Variants in SLC22A15 observed in about 807,000 individuals in gnomAD.
SLC22A15 encodes flipt 1.
A neutral mutation model predicts 62.7 loss-of-function variants in SLC22A15; 45 were observed. The observed-to-expected ratio is 0.72, with a 90% CI of 0.56 to 0.92. The LOEUF (loss-of-function observed/expected upper bound fraction) is 0.92, where lower values mean the gene tolerates loss of function less well. Among genes scored for constraint, SLC22A15 ranks in the 40% least tolerant of loss-of-function variants. The probability of loss-of-function intolerance (pLI) is 0.00; values close to 1 mark genes in which losing one functional copy is unlikely to be tolerated. For missense variants in SLC22A15, 622 were observed against 665.6 expected (o/e 0.93, Z 0.72); for synonymous variants, 264 against 267.0 (o/e 0.99, Z 0.11).
Position 116,066,720 on chromosome 1 carries a change from T to G in SLC22A15, c.1554+12T>G. 6.2e-7 allele frequency: 1 copy of G among 1,603,766 alleles called. No individual in the cohort carries two copies. The highest frequency in any genetic ancestry group is 8.5e-7 in the Non-Finnish European group (1 of 1,175,272). On this transcript the variant is annotated intron_variant, in intron 11 of 11. Transcript: ENST00000369503. ...TGGACCCCCAACAGGTGTGATATTT[T>G]TCTTAATTATTATACCGCTTGGATA...
chr1:116,031,622 G>A (rs1237323498), intron 6 of SLC22A15, 41 bp downstream of exon 6: 2 of 1,606,042 alleles, frequency 1.2e-6, no homozygotes, highest in Admixed American at 3.3e-5. Context: ...TTTAACTAAG[G>A]TTGCTCGAGC....
chr1:115,999,729 CTT>C (rs1655625462), intron 2 of SLC22A15, among the ~76,000 whole-genome samples: 1 of 152,080 alleles, frequency 6.6e-6, no homozygotes, highest in South Asian at 2.1e-4. Flanking sequence ...GTCTTGAACT[CTT>C]GAGCTCAGGC....
chr1:115,992,284 T>G, intron 2 of SLC22A15, 41 bp downstream of exon 2: 2 of 1,461,948 alleles, frequency 1.4e-6, no homozygotes, highest in Non-Finnish European at 1.9e-6. Context: ...AATGTCTCTC[T>G]TTGTCCACAT....
chr1:116,062,669 A>G (rs577496297), intron 8 of SLC22A15, 93 bp from the exon 9 acceptor site: 1 of 1,475,994 alleles, frequency 6.8e-7, no homozygotes, highest in Non-Finnish European at 9.4e-7. Flanking sequence ...TGAGATCAAC[A>G]TGAATGCCAC....
chr1:115,976,705 G>T lies in SLC22A15; in HGVS notation c.78G>T (p.Val26=). The T allele has an allele frequency of 1.3e-6, 2 of 1,582,928 alleles. No homozygotes were observed. Reference sequence around the variant, plus strand: ...TGTACTTGTGCTTCCTGCTGGCCGTGCTGCTGCAGGTAAGTCCCCGCGGCC... The same window carrying T: ...TGTACTTGTGCTTCCTGCTGGCCGTTCTGCTGCAGGTAAGTCCCCGCGGCC... ...YQMYLCFLLA[V]LLQLYVATEA... Residue 26 remains valine, a synonymous_variant, in exon 1 of 12, where the codon GTG becomes GTT. Coordinates refer to ENST00000369503, the MANE Select transcript of SLC22A15 (RefSeq NM_018420.3).
At chr1:116,054,311 C>A (rs1403557028) in intron 8 of SLC22A15, among the ~76,000 whole-genome samples, 2 of 151,412 alleles carry the variant, frequency 1.3e-5, no homozygotes, top group Admixed American at 1.3e-4. Flanking sequence ...ACAAAGAAGG[C>A]CATTACATAA....
At chr1:116,011,704 G>T (rs908827520) in intron 2 of SLC22A15, among the ~76,000 whole-genome samples, 2 of 152,094 alleles carry the variant, frequency 1.3e-5, no homozygotes, top group Non-Finnish European at 2.9e-5. Flanking sequence ...AAAGGAGAGA[G>T]TGGTAAGCTC....
At position 116,069,092 on chromosome 1, in the gene SLC22A15, A is replaced by G. The variant is rs1182968866; in HGVS notation, c.*1984A>G. ...CACTGGGTTCGATTGCCTCTGGCTAATAGAGTTCAATTAGTTCTATCCCTG... is the reference window on the plus strand; with the variant it reads ...CACTGGGTTCGATTGCCTCTGGCTAGTAGAGTTCAATTAGTTCTATCCCTG... On this transcript the variant is annotated 3_prime_UTR_variant, in exon 12 of 12. Transcript: ENST00000369503. 1.3e-5 allele frequency: 2 copies of G among 152,164 alleles called. No individual in the cohort carries two copies. Among genetic ancestry groups the G allele is most frequent in the African/African-American group, 4.8e-5 (2 of 41,434 alleles). 9.4% of individuals were successfully genotyped at this position (152,164 alleles called of 1,614,324 possible).
chr1:115,999,306 G>C (rs998106827), intron 2 of SLC22A15, among the ~76,000 whole-genome samples: 3 of 152,076 alleles, frequency 2.0e-5, no homozygotes, highest in Non-Finnish European at 2.9e-5. Flanking sequence ...CTATAATGCA[G>C]GTCCATTTGG....
intron 8 of SLC22A15, among the ~76,000 whole-genome samples, chr1:116,037,938 G>A (rs1405171732): frequency 3.3e-5 from 5 of 152,202 alleles, no homozygotes; most frequent in African/African-American, 1.2e-4. Flanking sequence ...TTTTATATAT[G>A]TGTAGCTTTT....
At chr1:116,016,662 C>T (rs1301757246) in intron 2 of SLC22A15, among the ~76,000 whole-genome samples, 2 of 152,164 alleles carry the variant, frequency 1.3e-5, no homozygotes, top group Non-Finnish European at 2.9e-5. Context: ...CTTGAATTCC[C>T]ACCATGTACC....
At chr1:116,057,306 A>G (rs1375381618) in intron 8 of SLC22A15, among the ~76,000 whole-genome samples, 2 of 151,942 alleles carry the variant, frequency 1.3e-5, no homozygotes, top group African/African-American at 4.8e-5. Flanking sequence ...ACATGAAAAA[A>G]TGCTCATCAT....
At chr1:116,053,987 C>T (rs528191082) in intron 8 of SLC22A15, among the ~76,000 whole-genome samples, 1 of 152,050 alleles carries the variant, frequency 6.6e-6, no homozygotes, top group African/African-American at 2.4e-5. Flanking sequence ...TAGGAAGAAA[C>T]TGAATCAACT....
At chr1:116,032,022 AT>A (rs1657430944) in intron 6 of SLC22A15, 1 of 1,033,580 alleles carries the variant, frequency 9.7e-7, no homozygotes, top group African/African-American at 1.7e-5. Context: ...TCCATGCTGC[AT>A]TTTCTGTGGC....
At position 115,976,562 on chromosome 1, in the gene SLC22A15, G is replaced by C; in HGVS notation, c.-66G>C. 7.7e-7 allele frequency: 1 copy of C among 1,292,144 alleles called. No individual in the cohort carries two copies. Among genetic ancestry groups the C allele is most frequent in the South Asian group, 1.3e-5 (1 of 77,450 alleles). The allele number at this position is 1,292,144 out of a possible 1,614,324, so 80.0% of individuals were successfully genotyped here. A position where few individuals can be genotyped will look rare whatever the true frequency, so the allele number is the denominator to read the frequency against. On this transcript the variant is annotated 5_prime_UTR_variant, in exon 1 of 12. Transcript: ENST00000369503. ...CGGTGCCGGGCGCCCAGGGGTTGCCGCGCTGGGCGGGAGGGCAGCGCCTGA... is the reference window on the plus strand; with the variant it reads ...CGGTGCCGGGCGCCCAGGGGTTGCCCCGCTGGGCGGGAGGGCAGCGCCTGA...
intron 2 of SLC22A15, among the ~76,000 whole-genome samples, chr1:115,996,019 G>A (rs1655405218): frequency 6.6e-6 from 1 of 152,002 alleles, no homozygotes; most frequent in South Asian, 2.1e-4. Context: ...CCTTCATGTT[G>A]GCCTTTTAGA....
chr1:116,028,956 C>T (rs1046212321), intron 5 of SLC22A15, among the ~76,000 whole-genome samples: 8 of 152,132 alleles, frequency 5.3e-5, no homozygotes, highest in African/African-American at 9.7e-5. Flanking sequence ...TTGAATTCCA[C>T]GGCATTCACC....
chr1:116,004,644 T>G (rs1655888425), intron 2 of SLC22A15, among the ~76,000 whole-genome samples: 5 of 152,188 alleles, frequency 3.3e-5, no homozygotes, highest in Admixed American at 2.6e-4. Flanking sequence ...GTAGTTTTCT[T>G]TTTTGATACT....
At chr1:116,030,599 A>G (rs1207980811) in intron 5 of SLC22A15, among the ~76,000 whole-genome samples, 1 of 152,212 alleles carries the variant, frequency 6.6e-6, no homozygotes, top group African/African-American at 2.4e-5. Flanking sequence ...CTCTTTGAAT[A>G]TATCAATGGC....
Sources: allele counts gnomAD v4.1 joint callset (sites outside exome capture counted in the v4.1 genomes callset), GRCh38; gene constraint gnomAD v4.1.1; transcripts MANE v1.5; gene names NCBI Gene and HGNC (gene_info 2026-07-23, HGNC 2026-07-21).